The following WDR33 variants were observed in gnomAD, a reference collection of about 807,000 sequenced individuals.
WDR33 encodes pre-mRNA 3' end processing protein WDR33.
In WDR33, 47 loss-of-function variants were observed where a neutral mutation model predicts 164.9. That is an observed-to-expected ratio of 0.29 (90% CI 0.23 to 0.36). The LOEUF (loss-of-function observed/expected upper bound fraction) is 0.36, where lower values mean the gene tolerates loss of function less well. Ranked by LOEUF, WDR33 falls within the 10% of genes least tolerant of loss-of-function variation. WDR33 has a pLI of 1.00. For synonymous variants in WDR33, 505 were observed against 589.0 expected (o/e 0.86, Z 2.06); for missense variants, 1,137 against 1,754.1 (o/e 0.65, Z 6.28).
chr2:127,774,884 T>C (rs1688139363), intron 1 of WDR33, among the ~76,000 whole-genome samples: 1 of 151,738 alleles, frequency 6.6e-6, no homozygotes, highest in Non-Finnish European at 1.5e-5. Flanking sequence ...CCACAAAAAG[T>C]CACATATTGT....
At chr2:127,733,717 C>CA (rs143270986) in intron 7 of WDR33, among the ~76,000 whole-genome samples, 6,116 of 151,974 alleles carry the variant, frequency 0.04, 364 homozygotes, top group African/African-American at 0.13. Context: ...AAACAAAAAA[C>CA]AAAAAACAAA....
Position 127,725,200 on chromosome 2 carries a change from G to T in WDR33, c.867C>A (p.Asn289Lys). ...GGTTTAATTTCACTTCCATTACTGT[G>T]TTTTTATGGGCATGACTAGAAACAA... Reference protein sequence around the residue: ...QSLATLHAHKNTVMEVKLNLN... With the variant: ...QSLATLHAHKKTVMEVKLNLN... The change falls in exon 9 of 22, where the codon AAC (asparagine) becomes AAA (lysine). Residue 289 changes from asparagine (N) to lysine (K), a missense_variant. By Grantham distance (94) the Asn-to-Lys change is moderately conservative (BLOSUM62 0). Coordinates refer to ENST00000322313, the MANE Select transcript of WDR33 (RefSeq NM_018383.5). 1 of 1,605,690 alleles carries T rather than the reference G, an allele frequency of 6.2e-7. No homozygotes were observed.
rs1472512919 is a variant in WDR33, at chr2:127,811,164, C to T, written c.-176G>A. 6.5e-6 allele frequency: 1 copy of T among 152,918 alleles called. No individual in the cohort carries two copies. The highest frequency in any genetic ancestry group is 1.5e-5 in the Non-Finnish European group (1 of 68,242). 9.5% of individuals were successfully genotyped at this position (152,918 alleles called of 1,614,324 possible). ...ATCTTCCCCTATGGGCCACCGAACG[C>T]ACGCTCTGGGGTCATCACGCACTGG... On this transcript the variant is annotated 5_prime_UTR_variant, in exon 1 of 22. Coordinates refer to ENST00000322313, the MANE Select transcript of WDR33 (RefSeq NM_018383.5). The surrounding 1 kb of genome is among the most constrained non-coding windows in gnomAD (Gnocchi z 4.1).
intron 7 of WDR33, among the ~76,000 whole-genome samples, chr2:127,746,753 G>A (rs1384015931): frequency 1.3e-5 from 2 of 152,202 alleles, no homozygotes; most frequent in East Asian, 3.8e-4. Context: ...CAGCTAAAGA[G>A]GAGGTTTAAC....
intron 1 of WDR33, among the ~76,000 whole-genome samples, chr2:127,779,850 T>C (rs1188327100): frequency 6.6e-6 from 1 of 152,154 alleles, no homozygotes; most frequent in Non-Finnish European, 1.5e-5. Context: ...GAGCTTCCAA[T>C]CAGAACAAGA....
At chr2:127,754,226 C>G (rs11899890) in intron 7 of WDR33, among the ~76,000 whole-genome samples, 6,406 of 152,280 alleles carry the variant, frequency 0.042, 401 homozygotes, top group African/African-American at 0.14. Flanking sequence ...AGTCACTTAA[C>G]TCTTTGCAAT....
Position 127,720,104 on chromosome 2 carries a change from G to A in WDR33, c.1921C>T (p.Pro641Ser), listed in dbSNP as rs1686400545. 6.2e-7 allele frequency: 1 copy of A among 1,614,016 alleles called. No homozygotes were observed. The highest frequency in any genetic ancestry group is 1.1e-5 in the South Asian group (1 of 91,090). Residue 641 changes from proline to serine, a missense_variant, in exon 16 of 22, where the codon CCA becomes TCA. This residue lies in a region of WDR33 where 867 missense variants were observed against 1,073.0 expected (regional missense o/e 0.81). Coordinates refer to ENST00000322313, the MANE Select transcript of WDR33 (RefSeq NM_018383.5). This position sits in a 1 kb window ranked among gnomAD's most constrained non-coding sequence, Gnocchi z 5.9. ...GGCCCCCCACCTCCCTGATGCAGTGGAGGACCTTGTGGTCCCATTTGTCCC... is the reference window on the plus strand; with the variant it reads ...GGCCCCCCACCTCCCTGATGCAGTGAAGGACCTTGTGGTCCCATTTGTCCC... The part of the protein sequence containing the change: ...PQGQMGPQGP[P>S]LHQGGGGPQG...
intron 1 of WDR33, among the ~76,000 whole-genome samples, chr2:127,773,940 G>T (rs936413312): frequency 3.3e-5 from 5 of 149,670 alleles, no homozygotes; most frequent in Non-Finnish European, 4.4e-5. Context: ...AATTTTTTTT[G>T]TATTTTAGTA....
intron 1 of WDR33, among the ~76,000 whole-genome samples, chr2:127,771,320 T>A (rs1195651003): frequency 6.6e-6 from 1 of 152,202 alleles, no homozygotes; most frequent in East Asian, 1.9e-4. Flanking sequence ...GCACAGCATG[T>A]TACTTTACTG....
rs1429128669 is a variant in WDR33, at chr2:127,750,710, A to G, written c.724+12352T>C. Among the ~76,000 whole-genome samples, 76 of 57,500 alleles carry G rather than the reference A, an allele frequency of 1.3e-3. 1 individual carries two copies. Among genetic ancestry groups the G allele is most frequent in the Non-Finnish European group, 2.0e-3 (66 of 32,846 alleles). The allele number at this position is 57,500 out of a possible 152,430, so 37.7% of individuals were successfully genotyped here. On this transcript the variant is annotated intron_variant, in intron 7 of 21. Transcript: ENST00000322313. ...TATATATATATATATATATATATAT[A>G]TATGTATGTATGCATACATATATAT...
rs1436165739 is a variant in WDR33, at chr2:127,722,469, G to A, written c.1518+122C>T. Reference sequence around the variant, plus strand: ...AGATGAGAACCATGTCTAAGAGTACGTGAACATGGGAAAAATGCTCCAGTA... The same window carrying A: ...AGATGAGAACCATGTCTAAGAGTACATGAACATGGGAAAAATGCTCCAGTA... On this transcript the variant is annotated intron_variant, in intron 14 of 21. Coordinates refer to ENST00000322313, the MANE Select transcript of WDR33 (RefSeq NM_018383.5). The surrounding 1 kb of genome is among the most constrained non-coding windows in gnomAD (Gnocchi z 5.1). 8.9e-6 allele frequency: 12 copies of A among 1,347,974 alleles called. No homozygotes were observed. The highest frequency in any genetic ancestry group is 1.9e-4 in the Middle Eastern group (1 of 5,348). 83.5% of individuals were successfully genotyped at this position (1,347,974 alleles called of 1,614,324 possible). A position where few individuals can be genotyped will look rare whatever the true frequency, so the allele number is the denominator to read the frequency against.
At position 127,779,507 on chromosome 2, in the gene WDR33, G is replaced by C. The variant is rs576870261; in HGVS notation, c.-23-8503C>G. Among the ~76,000 whole-genome samples, 5 of 152,132 alleles carry C rather than the reference G, an allele frequency of 3.3e-5. No homozygotes were observed. The East Asian group carries it at 7.7e-4, about 23-fold the overall frequency. Reference sequence around the variant, plus strand: ...AAAATAGAACATATGATAGAACTGCGCATTTGAAAGAACTGTTTTTGTGCA... The same window carrying C: ...AAAATAGAACATATGATAGAACTGCCCATTTGAAAGAACTGTTTTTGTGCA... On this transcript the variant is annotated intron_variant, in intron 1 of 21. Transcript: ENST00000322313.
At chr2:127,775,474 C>A (rs1220368544) in intron 1 of WDR33, among the ~76,000 whole-genome samples, 3 of 152,200 alleles carry the variant, frequency 2.0e-5, no homozygotes, top group African/African-American at 7.2e-5. Flanking sequence ...CAGGCGTGAG[C>A]CATCGTGCCT....
rs75305814 is a variant in WDR33, at chr2:127,798,607, G to A, written c.-24+12405C>T. 1.7e-3 allele frequency among the ~76,000 whole-genome samples: 264 copies of A among 152,030 alleles called. 2 individuals carry two copies. Among genetic ancestry groups the A allele is most frequent in the African/African-American group, 6.0e-3 (249 of 41,458 alleles). On this transcript the variant is annotated intron_variant, in intron 1 of 21. Coordinates refer to ENST00000322313, the MANE Select transcript of WDR33 (RefSeq NM_018383.5). Reference sequence around the variant, plus strand: ...ACCTAAAAGCCTAACCAGTTAACTAGTTCCTCAGTATATCTGGAATTTATG... The same window carrying A: ...ACCTAAAAGCCTAACCAGTTAACTAATTCCTCAGTATATCTGGAATTTATG...
At chr2:127,780,026 T>C (rs1688316948) in intron 1 of WDR33, among the ~76,000 whole-genome samples, 1 of 149,888 alleles carries the variant, frequency 6.7e-6, no homozygotes, top group South Asian at 2.1e-4. Context: ...CAGGCTAGAG[T>C]GCAGTGGTGC....
Position 127,721,661 on chromosome 2 carries a change from A to T in WDR33, c.1671+175T>A, listed in dbSNP as rs947817507. On this transcript the variant is annotated intron_variant, in intron 15 of 21. Coordinates refer to ENST00000322313, the MANE Select transcript of WDR33 (RefSeq NM_018383.5). This position sits in a 1 kb window ranked among gnomAD's most constrained non-coding sequence, Gnocchi z 4.9. ...ATACATAAATAACACATTTTAAAAAATTTTAAGAAACAGGATTCTTTTGGA... is the reference window on the plus strand; with the variant it reads ...ATACATAAATAACACATTTTAAAAATTTTTAAGAAACAGGATTCTTTTGGA... 6.6e-6 allele frequency among the ~76,000 whole-genome samples: 1 copy of T among 152,202 alleles called. No individual in the cohort carries two copies. The highest frequency in any genetic ancestry group is 2.4e-5 in the African/African-American group (1 of 41,456).
At position 127,746,607 on chromosome 2, in the gene WDR33, C is replaced by G. The variant is rs546355943; in HGVS notation, c.724+16455G>C. ...ACGAGGAGAGGCAAGCTGAGAAAGA[C>G]TTGACTTGCCCAGTGGCAAAGCGGG... On this transcript the variant is annotated intron_variant, in intron 7 of 21. Transcript: ENST00000322313. Among the ~76,000 whole-genome samples, 4 of 152,276 alleles carry G rather than the reference C, an allele frequency of 2.6e-5. No homozygotes were observed. In the East Asian group the frequency reaches 7.7e-4, roughly 29 times the overall value.
At position 127,723,393 on chromosome 2, in the gene WDR33, T is replaced by C; in HGVS notation, c.1197-46A>G. 2 of 1,537,880 alleles carry C rather than the reference T, an allele frequency of 1.3e-6. No individual in the cohort carries two copies. Among genetic ancestry groups the C allele is most frequent in the Non-Finnish European group, 1.8e-6 (2 of 1,114,476 alleles). ...GAAAAGAAGCATGGCTTCACTATTT[T>C]TTTGGGCACTAAACAGTACTAGGCA... On this transcript the variant is annotated intron_variant, in intron 11 of 21. Coordinates refer to ENST00000322313, the MANE Select transcript of WDR33 (RefSeq NM_018383.5). The surrounding 1 kb of genome is among the most constrained non-coding windows in gnomAD (Gnocchi z 5.9).
Position 127,723,399 on chromosome 2 carries a change from G to C in WDR33, c.1197-52C>G. On this transcript the variant is annotated intron_variant, in intron 11 of 21. Transcript: ENST00000322313. The surrounding 1 kb of genome is among the most constrained non-coding windows in gnomAD (Gnocchi z 5.9). ...AAGCATGGCTTCACTATTTTTTTGG[G>C]CACTAAACAGTACTAGGCAGACCCT... 6.8e-7 allele frequency: 1 copy of C among 1,464,464 alleles called. No homozygotes were observed. The highest frequency in any genetic ancestry group is 9.5e-7 in the Non-Finnish European group (1 of 1,049,104). The allele number at this position is 1,464,464 out of a possible 1,614,324, so 90.7% of individuals were successfully genotyped here. A position where few individuals can be genotyped will look rare whatever the true frequency, so the allele number is the denominator to read the frequency against.
Sources: gnomAD v4.1 joint callset for allele counts (sites outside exome capture counted in the v4.1 genomes callset) on GRCh38, gnomAD v4.1.1 for gene constraint, gnomAD v4.1.1 regional missense constraint, Gnocchi (gnomAD v3.1) non-coding constraint, MANE v1.5 for transcripts, NCBI Gene and HGNC (gene_info 2026-07-23, HGNC 2026-07-21) for gene names.